Variants in HLCS observed in about 807,000 individuals in gnomAD.
HLCS encodes biotin--protein ligase.
HLCS carries 53 observed loss-of-function variants against 75.0 expected under a neutral mutation model. That is an observed-to-expected ratio of 0.71 (90% CI 0.57 to 0.89). The LOEUF (loss-of-function observed/expected upper bound fraction) is 0.89, where lower values mean the gene tolerates loss of function less well. Among genes scored for constraint, HLCS ranks in the 40% least tolerant of loss-of-function variants. HLCS has a pLI of 0.00. For missense variants in HLCS, 966 were observed against 1,074.0 expected, an observed-to-expected ratio of 0.90 and a Z score of 1.41; for synonymous variants, 431 against 428.6, an observed-to-expected ratio of 1.01 and a Z score of -0.07.
chr21:36,757,662 G>A (rs371898240), intron 9 of HLCS, among the ~76,000 whole-genome samples: 8 of 152,266 alleles, frequency 5.3e-5, no homozygotes, highest in East Asian at 1.9e-4. Flanking sequence ...GTGTCCTGCC[G>A]TTTCCAGTGT....
At chr21:36,963,350 T>C (rs907374305) in intron 1 of HLCS, among the ~76,000 whole-genome samples, 2 of 152,196 alleles carry the variant, frequency 1.3e-5, no homozygotes, top group Admixed American at 6.5e-5. Context: ...TCCACTGTGC[T>C]GCATATCAGT....
At chr21:36,958,704 G>C (rs1388222710) in intron 2 of HLCS, among the ~76,000 whole-genome samples, 1 of 151,790 alleles carries the variant, frequency 6.6e-6, no homozygotes, top group Non-Finnish European at 1.5e-5. Context: ...CAGGAGAATT[G>C]CTTGAACCCG....
intron 6 of HLCS, among the ~76,000 whole-genome samples, chr21:36,794,254 C>T (rs1309544427): frequency 6.6e-6 from 1 of 152,122 alleles, no homozygotes; most frequent in South Asian, 2.1e-4. Flanking sequence ...GTGTGCAAGG[C>T]GGTGGGAGAG....
intron 6 of HLCS, among the ~76,000 whole-genome samples, chr21:36,792,307 G>C (rs1902933263): frequency 6.6e-6 from 1 of 152,056 alleles, no homozygotes; most frequent in Non-Finnish European, 1.5e-5. Flanking sequence ...GTGTGACCAG[G>C]GACGGCTGCC....
intron 6 of HLCS, among the ~76,000 whole-genome samples, chr21:36,821,533 G>A (rs1352966190): frequency 3.3e-5 from 5 of 152,190 alleles, no homozygotes; most frequent in Non-Finnish European, 5.9e-5. Context: ...CAACTCTGCA[G>A]AACCCTCCTC....
intron 5 of HLCS, among the ~76,000 whole-genome samples, chr21:36,898,018 C>T (rs182800867): frequency 6.6e-6 from 1 of 152,332 alleles, no homozygotes; most frequent in African/African-American, 2.4e-5. Context: ...CGTCCCAAAG[C>T]TCCCTGTGGC....
intron 1 of HLCS, among the ~76,000 whole-genome samples, chr21:36,962,818 TGAG>T (rs2068375889): frequency 2.9e-5 from 3 of 101,822 alleles, no homozygotes; most frequent in South Asian, 7.5e-4. Context: ...AAAAAAAAGA[TGAG>T]GAGGCCTAGA....
intron 6 of HLCS, among the ~76,000 whole-genome samples, chr21:36,807,631 G>A (rs1462915119): frequency 3.3e-5 from 5 of 152,126 alleles, no homozygotes; most frequent in African/African-American, 1.2e-4. Flanking sequence ...AATAATAACC[G>A]CTAACACTGA....
Position 36,756,549 on chromosome 21 carries a change from C to A in HLCS, c.2443G>T (p.Val815Phe). 6.2e-7 allele frequency: 1 copy of A among 1,611,518 alleles called. No individual in the cohort carries two copies. Among genetic ancestry groups the A allele is most frequent in the Non-Finnish European group, 8.5e-7 (1 of 1,178,572 alleles). ...SVLPLYYRYW[V>F]HSGQQVHLGS... is the part of the protein sequence containing the mutation. ...AGATGAGCCAGCACTGACCTGTGGA[C>A]CCAGTATCGGTAATAAAGGGGAAGG... is the stretch of plus-strand genomic sequence containing the variant. The change falls in exon 10 of 11, where the codon GTC (valine) becomes TTC (phenylalanine). Residue 815 changes from valine (V) to phenylalanine (F), a missense_variant. Val to Phe is a conservative substitution (Grantham distance 50, BLOSUM62 -1). Coordinates refer to ENST00000674895, the MANE Select transcript of HLCS (RefSeq NM_001352514.2).
At chr21:36,982,718 CA>C in intron 1 of HLCS, among the ~76,000 whole-genome samples, 1 of 152,222 alleles carries the variant, frequency 6.6e-6, no homozygotes, top group South Asian at 2.1e-4. Context: ...AGGACAATGC[CA>C]GGGGTGTCAT....
At chr21:36,874,350 C>T (rs1183988899) in intron 6 of HLCS, among the ~76,000 whole-genome samples, 1 of 150,402 alleles carries the variant, frequency 6.6e-6, no homozygotes, top group East Asian at 2.0e-4. Flanking sequence ...TGCAGTGAGC[C>T]GAGATCGCGC....
intron 2 of HLCS, chr21:36,943,153 CT>C (rs1397500504): frequency 6.6e-6 from 1 of 152,096 alleles, no homozygotes. Flanking sequence ...CCTTGGAAGA[CT>C]TTGGGAGTTC....
intron 6 of HLCS, among the ~76,000 whole-genome samples, chr21:36,869,090 G>T (rs2063675827): frequency 6.7e-6 from 1 of 148,660 alleles, no homozygotes; most frequent in South Asian, 2.2e-4. Flanking sequence ...TTAAGCAAAA[G>T]ATGTTTAATT....
At chr21:36,952,669 C>A (rs767875199) in intron 2 of HLCS, among the ~76,000 whole-genome samples, 1 of 151,196 alleles carries the variant, frequency 6.6e-6, no homozygotes, top group African/African-American at 2.4e-5. Context: ...TGCAGGCCTG[C>A]AACTCCAACT....
At chr21:36,772,638 CAAAAAAAAAAAAA>C (rs34788426) in intron 6 of HLCS, among the ~76,000 whole-genome samples, 1 of 80,876 alleles carries the variant, frequency 1.2e-5, no homozygotes, top group East Asian at 3.4e-4. Flanking sequence ...GACACTGTCT[CAAAAAAAAAAAAA>C]AAAAAAAAGA....
chr21:36,974,291 C>A (rs2068877584), intron 1 of HLCS: 1 of 152,474 alleles, frequency 6.6e-6, no homozygotes, highest in African/African-American at 2.4e-5. Flanking sequence ...CGGAACTTCA[C>A]TAGAGGCCCC....
chr21:36,979,827 C>T (rs1288882198), intron 1 of HLCS, among the ~76,000 whole-genome samples: 2 of 151,790 alleles, frequency 1.3e-5, no homozygotes, highest in Non-Finnish European at 2.9e-5. Flanking sequence ...GAGGCAAAAG[C>T]GGGCAAATCA....
chr21:36,978,878 G>T (rs1260229010), intron 1 of HLCS, among the ~76,000 whole-genome samples: 1 of 152,210 alleles, frequency 6.6e-6, no homozygotes, highest in South Asian at 2.1e-4. Context: ...TGAGGGGCCA[G>T]TGAGTCACAT....
chr21:36,977,776 C>T (rs1256978785), intron 1 of HLCS, among the ~76,000 whole-genome samples: 1 of 152,206 alleles, frequency 6.6e-6, no homozygotes, highest in Non-Finnish European at 1.5e-5. Context: ...TCTCGTTCCA[C>T]AGCTCCAATG....
Sources: allele counts gnomAD v4.1 joint callset (sites outside exome capture counted in the v4.1 genomes callset), GRCh38; gene constraint gnomAD v4.1.1; transcripts MANE v1.5; gene names NCBI Gene and HGNC (gene_info 2026-07-23, HGNC 2026-07-21).